The following CNTNAP4 variants were observed in gnomAD, a reference collection of about 807,000 sequenced individuals.
CNTNAP4 encodes the protein contactin associated protein family member 4, also known as contactin-associated protein-like 4.
In CNTNAP4, 98 loss-of-function variants were observed where a neutral mutation model predicts 148.4. The ratio of observed to expected loss-of-function variants is 0.66; its 90% CI spans 0.56 to 0.78. The LOEUF (loss-of-function observed/expected upper bound fraction) is 0.78, where lower values mean the gene tolerates loss of function less well. Among genes scored for constraint, CNTNAP4 ranks in the 30% least tolerant of loss-of-function variants. The probability of loss-of-function intolerance (pLI) is 0.00; values close to 1 mark genes in which losing one functional copy is unlikely to be tolerated. For missense variants in CNTNAP4, 1,935 were observed against 1,565.6 expected (o/e 1.24, Z -3.98); for synonymous variants, 730 against 565.1 (o/e 1.29, Z -4.14).
rs537236459 is a variant in CNTNAP4 at position 76,558,556 on chromosome 16, A to C, written c.3800A>C (p.Gln1267Pro). The C allele has an allele frequency of 1.1e-5, 18 of 1,612,422 alleles. No individual in the cohort carries two copies. The South Asian group carries it at 1.9e-4, about 17-fold the overall frequency. Residue 1267 changes from glutamine (Q) to proline (P), a missense_variant, in exon 24 of 24, where the codon CAG becomes CCG. Physicochemically the swap from Gln to Pro is moderately conservative, Grantham distance 76. Coordinates refer to ENST00000611870, the MANE Select transcript of CNTNAP4 (RefSeq NM_033401.5). ...ITAIAVRIYQ[Q>P]KRLYKRSEAK... ...GCCATAGCTGTTCGCATTTATCAGC[A>C]GAAAAGGTTATATAAAAGAAGTGAG...
At chr16:76,374,075 G>A (rs1390745644) in intron 3 of CNTNAP4, among the ~76,000 whole-genome samples, 1 of 151,960 alleles carries the variant, frequency 6.6e-6, no homozygotes, top group Non-Finnish European at 1.5e-5. Flanking sequence ...TTTCATTTTG[G>A]GTTGCTTCAT....
intron 4 of CNTNAP4, among the ~76,000 whole-genome samples, chr16:76,446,885 C>CA (rs1430575202): frequency 2.6e-5 from 4 of 151,794 alleles, no homozygotes; most frequent in Non-Finnish European, 4.4e-5. Context: ...TTTCTGGAGC[C>CA]AAAAAAGCAT....
intron 2 of CNTNAP4, among the ~76,000 whole-genome samples, chr16:76,341,047 A>T (rs1482496700): frequency 6.6e-6 from 1 of 152,172 alleles, no homozygotes; most frequent in Non-Finnish European, 1.5e-5. Context: ...AAGCTCCTTA[A>T]TGTGCTACAG....
Position 76,287,300 on chromosome 16 carries a change from G to A in CNTNAP4, c.85+9553G>A, listed in dbSNP as rs539703630. Among the ~76,000 whole-genome samples, 52 of 152,196 alleles carry A rather than the reference G, an allele frequency of 3.4e-4. 1 individual carries two copies. The highest frequency in any genetic ancestry group is 1.2e-3 in the African/African-American group (51 of 41,520). ...ACATACTAGGGGAATGGAAAAAGGA[G>A]GCTAATGTAGAATTTTAGCTACTAA... is the stretch of plus-strand genomic sequence containing the variant. On this transcript the variant is annotated intron_variant, in intron 1 of 23. Coordinates refer to ENST00000611870, the MANE Select transcript of CNTNAP4 (RefSeq NM_033401.5).
At chr16:76,350,614 C>T (rs1597282939) in intron 2 of CNTNAP4, among the ~76,000 whole-genome samples, 1 of 152,170 alleles carries the variant, frequency 6.6e-6, no homozygotes, top group Non-Finnish European at 1.5e-5. Context: ...CAAAGCTCAA[C>T]TTTGCTGTGA....
chr16:76,493,593 C>T (rs921550949), intron 13 of CNTNAP4, among the ~76,000 whole-genome samples: 2 of 152,016 alleles, frequency 1.3e-5, no homozygotes, highest in East Asian at 1.9e-4. Flanking sequence ...GAATATGGCT[C>T]AGTATTTAAG....
intron 1 of CNTNAP4, among the ~76,000 whole-genome samples, chr16:76,307,614 G>A (rs565492578): frequency 1.2e-4 from 18 of 149,686 alleles, no homozygotes; most frequent in Middle Eastern, 3.5e-3. Flanking sequence ...GTGACATGGC[G>A]TCACATATGG....
intron 3 of CNTNAP4, among the ~76,000 whole-genome samples, chr16:76,417,956 C>G (rs577373381): frequency 1.3e-5 from 2 of 151,726 alleles, no homozygotes; most frequent in Admixed American, 6.6e-5. Context: ...GATGAAAAGT[C>G]CAATGTAAGT....
At chr16:76,444,135 GAAT>G (rs1354315978) in intron 4 of CNTNAP4, among the ~76,000 whole-genome samples, 1 of 152,100 alleles carries the variant, frequency 6.6e-6, no homozygotes, top group Admixed American at 6.6e-5. Flanking sequence ...AAGCATGTTA[GAAT>G]AATATTACTA....
chr16:76,317,787 C>T (rs1003150879), intron 2 of CNTNAP4, among the ~76,000 whole-genome samples: 8 of 151,984 alleles, frequency 5.3e-5, no homozygotes, highest in African/African-American at 1.9e-4. Context: ...GTTCTAATTA[C>T]AATATAGATA....
At chr16:76,411,760 G>A (rs945646878) in intron 3 of CNTNAP4, among the ~76,000 whole-genome samples, 1 of 151,234 alleles carries the variant, frequency 6.6e-6, no homozygotes, top group East Asian at 1.9e-4. Context: ...AAAGTGCCAA[G>A]GACCTATTTC....
At chr16:76,448,544 G>T (rs537072895) in intron 5 of CNTNAP4, among the ~76,000 whole-genome samples, 1 of 152,088 alleles carries the variant, frequency 6.6e-6, no homozygotes, top group Non-Finnish European at 1.5e-5. Flanking sequence ...AAATGAGCGT[G>T]CAATCAGTAA....
chr16:76,515,336 T>C (rs1230778925), intron 15 of CNTNAP4, among the ~76,000 whole-genome samples: 1 of 152,226 alleles, frequency 6.6e-6, no homozygotes, highest in Admixed American at 6.5e-5. Flanking sequence ...TATTTGAAGA[T>C]AGGGCCTTTA....
intron 1 of CNTNAP4, among the ~76,000 whole-genome samples, chr16:76,313,240 C>T (rs957815576): frequency 3.3e-5 from 5 of 152,060 alleles, no homozygotes; most frequent in Non-Finnish European, 5.9e-5. Context: ...GTGGTTGTAC[C>T]AGAGAGGCAT....
At chr16:76,332,775 G>C (rs185486341) in intron 2 of CNTNAP4, among the ~76,000 whole-genome samples, 2 of 151,948 alleles carry the variant, frequency 1.3e-5, no homozygotes, top group African/African-American at 4.8e-5. Flanking sequence ...GGTGATCCTA[G>C]CCAACCAGCT....
At chr16:76,388,207 G>T (rs2016673713) in intron 3 of CNTNAP4, among the ~76,000 whole-genome samples, 1 of 152,176 alleles carries the variant, frequency 6.6e-6, no homozygotes, top group Admixed American at 6.5e-5. Flanking sequence ...TTTACCCAAA[G>T]AGTTCATTAC....
intron 21 of CNTNAP4, among the ~76,000 whole-genome samples, chr16:76,548,490 T>G (rs993968166): frequency 6.6e-6 from 1 of 152,038 alleles, no homozygotes; most frequent in Admixed American, 6.5e-5. Flanking sequence ...TATTGTCGTA[T>G]CTTTCAAAAA....
chr16:76,492,856 A>G (rs1176952734), intron 13 of CNTNAP4, among the ~76,000 whole-genome samples: 3 of 151,810 alleles, frequency 2.0e-5, no homozygotes, highest in Admixed American at 2.0e-4. Flanking sequence ...AGTCTCAGGT[A>G]TGTCTTTGTT....
At chr16:76,356,451 A>G (rs2012659234) in intron 3 of CNTNAP4, among the ~76,000 whole-genome samples, 1 of 152,168 alleles carries the variant, frequency 6.6e-6, no homozygotes, top group South Asian at 2.1e-4. Context: ...GGAAAGAGGC[A>G]TTTTGTGATA....
Sources: allele counts gnomAD v4.1 joint callset (sites outside exome capture counted in the v4.1 genomes callset), GRCh38; gene constraint gnomAD v4.1.1; transcripts MANE v1.5; gene names NCBI Gene and HGNC (gene_info 2026-07-23, HGNC 2026-07-21).